WDHD1: variants seen among roughly 807,000 people sequenced by gnomAD.
WDHD1 encodes the protein WD repeat and HMG-box DNA-binding protein 1.
In WDHD1, 111 loss-of-function variants were observed where a neutral mutation model predicts 135.4. That is an observed-to-expected ratio of 0.82 (90% confidence interval 0.70 to 0.96). WDHD1 has a LOEUF of 0.96. Ranked by LOEUF, WDHD1 falls within the 40% of genes least tolerant of loss-of-function variation. The pLI, the probability that WDHD1 is intolerant of heterozygous loss-of-function variation, is 0.00. For synonymous variants in WDHD1, 434 were observed against 439.0 expected (o/e 0.99, Z 0.14); for missense variants, 1,351 against 1,336.3 (o/e 1.01, Z -0.17).
In WDHD1 at chr14:54,991,301, C is replaced by G; in HGVS notation, c.1253G>C (p.Arg418Thr). The change falls in exon 12 of 26, where the codon AGG (arginine) becomes ACG (threonine). Residue 418 changes from arginine (R) to threonine (T), a missense_variant. Arg to Thr is a moderately conservative substitution (Grantham distance 71). This residue lies in a region of WDHD1 where 1,330 missense variants were observed against 1,296.1 expected (regional missense o/e 1.03). Transcript: ENST00000360586. ...TGGCATGGGTCCATCATAAAATGGCCTTTGGGATGTTACAAGTGGTAGATT... is the reference window on the plus strand; with the variant it reads ...TGGCATGGGTCCATCATAAAATGGCGTTTGGGATGTTACAAGTGGTAGATT... Reference protein sequence around the residue: ...IHNLPLVTSQRPFYDGPMPTP... With the variant: ...IHNLPLVTSQTPFYDGPMPTP... The G allele has an allele frequency of 6.2e-7, 1 of 1,613,956 alleles. No individual in the cohort carries two copies. The highest frequency in any genetic ancestry group is 2.2e-5 in the East Asian group (1 of 44,878).
intron 14 of WDHD1, among the ~76,000 whole-genome samples, chr14:54,986,191 A>AT (rs2041691783): frequency 6.6e-6 from 1 of 152,218 alleles, no homozygotes; most frequent in Non-Finnish European, 1.5e-5. Flanking sequence ...ATCAATTTTA[A>AT]TTTGCAACTA....
At chr14:54,977,790 C>T (rs2041550120) in intron 16 of WDHD1, among the ~76,000 whole-genome samples, 1 of 151,882 alleles carries the variant, frequency 6.6e-6, no homozygotes, top group Non-Finnish European at 1.5e-5. Flanking sequence ...ATTTCTTTAT[C>T]CATTATTGAA....
At chr14:54,998,941 T>C (rs560810110) in intron 10 of WDHD1, among the ~76,000 whole-genome samples, 2 of 152,344 alleles carry the variant, frequency 1.3e-5, no homozygotes, top group African/African-American at 2.4e-5. Context: ...CATAATTCAC[T>C]TAATCCTCCC....
At position 55,000,937 on chromosome 14, in the gene WDHD1, A is replaced by G; in HGVS notation, c.749T>C (p.Ile250Thr). ...PCGQYLAAGS[I>T]NGLIIVWNVE... Reference sequence around the variant, plus strand: ...ATTCCAAACTATGATTAGACCATTAATACTACCTGCAGCTAAATATTGCCC... The same window carrying G: ...ATTCCAAACTATGATTAGACCATTAGTACTACCTGCAGCTAAATATTGCCC... The change falls in exon 9 of 26, where the codon ATT (isoleucine) becomes ACT (threonine). Residue 250 changes from isoleucine to threonine, a missense_variant. Around this residue, in one of 2 missense-constraint regions of WDHD1, gnomAD observed 1,330 missense variants for 1,296.1 expected, o/e 1.03. Coordinates refer to ENST00000360586, the MANE Select transcript of WDHD1 (RefSeq NM_007086.4). 6.3e-7 allele frequency: 1 copy of G among 1,596,508 alleles called. No homozygotes were observed. Among genetic ancestry groups the G allele is most frequent in the South Asian group, 1.1e-5 (1 of 87,020 alleles).
At chr14:54,985,825 T>C (rs918301073) in intron 14 of WDHD1, among the ~76,000 whole-genome samples, 1 of 152,096 alleles carries the variant, frequency 6.6e-6, no homozygotes, top group African/African-American at 2.4e-5. Flanking sequence ...ACTGTTGGAG[T>C]TGATGCAGGG....
chr14:54,978,275 A>C (rs1021067607), intron 16 of WDHD1, among the ~76,000 whole-genome samples: 1 of 152,208 alleles, frequency 6.6e-6, no homozygotes, highest in African/African-American at 2.4e-5. Flanking sequence ...AACCTACACT[A>C]TAAGAACTAC....
At chr14:54,961,597 C>T (rs1349329393) in intron 21 of WDHD1, among the ~76,000 whole-genome samples, 1 of 152,188 alleles carries the variant, frequency 6.6e-6, no homozygotes, top group Non-Finnish European at 1.5e-5. Context: ...ATGAGGCCTG[C>T]CTTGAAGTCC....
At chr14:54,967,159 C>T (rs753834649) in intron 17 of WDHD1, 121 bp downstream of exon 17, 3 of 800,464 alleles carry the variant, frequency 3.7e-6, no homozygotes, top group Non-Finnish European at 5.9e-6. Context: ...CCTGCTACCC[C>T]TATTTATGTA....
Position 54,984,705 on chromosome 14 carries a change from T to A in WDHD1, c.1906+18A>T, listed in dbSNP as rs1263570030. ...CACTTTATATTATACTTGTTTTTTT[T>A]AAACAAATTTATCTTGCCTTCAGCT... is the stretch of plus-strand genomic sequence containing the variant. On this transcript the variant is annotated intron_variant, in intron 15 of 25. Coordinates refer to ENST00000360586, the MANE Select transcript of WDHD1 (RefSeq NM_007086.4). The A allele has an allele frequency of 8.2e-6, 13 of 1,588,084 alleles. No individual in the cohort carries two copies. The highest frequency in any genetic ancestry group is 3.9e-5 in the Admixed American group (2 of 51,388).
chr14:55,016,895 C>G (rs2042269804), intron 2 of WDHD1, among the ~76,000 whole-genome samples: 1 of 152,140 alleles, frequency 6.6e-6, no homozygotes, highest in East Asian at 1.9e-4. Context: ...AAAGAACTTT[C>G]AGATGAGATC....
intron 13 of WDHD1, among the ~76,000 whole-genome samples, chr14:54,987,802 T>C (rs2041717864): frequency 6.6e-6 from 1 of 152,124 alleles, no homozygotes; most frequent in Non-Finnish European, 1.5e-5. Context: ...AATTTTTGCA[T>C]TTTTAGTAGA....
At position 55,024,974 on chromosome 14, in the gene WDHD1, G is replaced by C. The variant is rs1282036045; in HGVS notation, c.77+1737C>G. Among the ~76,000 whole-genome samples, 4 of 101,960 alleles carry C rather than the reference G, an allele frequency of 3.9e-5. 1 individual carries two copies. Among genetic ancestry groups the C allele is most frequent in the African/African-American group, 1.2e-4 (4 of 34,720 alleles). The allele number at this position is 101,960 out of a possible 152,430, so 66.9% of individuals were successfully genotyped here. Reference sequence around the variant, plus strand: ...TCCCGTAAAGGGTCTGTGCTGAGGAGGATTAGTAAAAGAGGAAGGAATGCC... The same window carrying C: ...TCCCGTAAAGGGTCTGTGCTGAGGACGATTAGTAAAAGAGGAAGGAATGCC... On this transcript the variant is annotated intron_variant, in intron 2 of 25. Transcript: ENST00000360586.
intron 23 of WDHD1, among the ~76,000 whole-genome samples, chr14:54,956,625 G>A (rs900070311): frequency 2.7e-4 from 41 of 152,290 alleles, no homozygotes; most frequent in African/African-American, 8.7e-4. Context: ...CTGGGTGACA[G>A]AGTGAGCCTC....
At chr14:54,954,109 T>A (rs1211247578) in intron 24 of WDHD1, among the ~76,000 whole-genome samples, 6 of 145,434 alleles carry the variant, frequency 4.1e-5, no homozygotes, top group Non-Finnish European at 7.5e-5. Flanking sequence ...AGCTTAAAAG[T>A]ATTTAAAAAA....
chr14:55,017,516 G>T (rs1566745252), intron 2 of WDHD1, among the ~76,000 whole-genome samples: 1 of 151,832 alleles, frequency 6.6e-6, no homozygotes, highest in African/African-American at 2.4e-5. Context: ...GCTAAATTTC[G>T]TATTTTCATA....
rs1348043394 is a variant in WDHD1, at chr14:54,940,001, A to C, written c.*1489T>G. 1 of 152,232 alleles carries C rather than the reference A, an allele frequency of 6.6e-6. No homozygotes were observed. The highest frequency in any genetic ancestry group is 2.4e-5 in the African/African-American group (1 of 41,458). 9.4% of individuals were successfully genotyped at this position (152,232 alleles called of 1,614,324 possible). ...CTTTACTTAAGATCTTGAAATCAAA[A>C]TTAGTTTGTATAGTATTCAGAATCA... On this transcript the variant is annotated 3_prime_UTR_variant, in exon 26 of 26. Coordinates refer to ENST00000360586, the MANE Select transcript of WDHD1 (RefSeq NM_007086.4).
chr14:55,022,679 C>CA (rs975103851), intron 2 of WDHD1, among the ~76,000 whole-genome samples: 7 of 151,054 alleles, frequency 4.6e-5, no homozygotes, highest in African/African-American at 1.5e-4. Flanking sequence ...GACTCCATCT[C>CA]AAAAAAACAA....
In WDHD1 at chr14:54,991,343, T is replaced by C; in HGVS notation, c.1211A>G (p.Gln404Arg). The C allele has an allele frequency of 6.2e-7, 1 of 1,614,238 alleles. No homozygotes were observed. The highest frequency in any genetic ancestry group is 8.5e-7 in the Non-Finnish European group (1 of 1,180,036). ...SLLKEEEEDG[Q>R]EGSIHNLPLV... ...TGGTAGATTGTGAATGCTGCCTTCT[T>C]GACCATCTTCCTCCTCCTCTTTGAG... The change falls in exon 12 of 26, where the codon CAA (glutamine) becomes CGA (arginine). Residue 404 changes from glutamine (Q) to arginine (R), a missense_variant. Around this residue, in one of 2 missense-constraint regions of WDHD1, gnomAD observed 1,330 missense variants for 1,296.1 expected, o/e 1.03. Transcript: ENST00000360586.
intron 16 of WDHD1, among the ~76,000 whole-genome samples, chr14:54,976,808 T>G (rs1191983896): frequency 6.6e-6 from 1 of 152,076 alleles, no homozygotes; most frequent in Non-Finnish European, 1.5e-5. Flanking sequence ...AATATTCTTA[T>G]TCAAGTTTAT....
Sources: allele counts gnomAD v4.1 joint callset (sites outside exome capture counted in the v4.1 genomes callset), GRCh38; gene constraint gnomAD v4.1.1; regional missense constraint gnomAD v4.1.1; transcripts MANE v1.5; gene names NCBI Gene and HGNC (gene_info 2026-07-23, HGNC 2026-07-21).